L1TD1: variants seen among roughly 807,000 people sequenced by gnomAD.
L1TD1 encodes LINE1 type transposase domain containing 1.
Under a neutral mutation model 25.7 loss-of-function variants are expected in L1TD1, and 26 were observed. The ratio of observed to expected loss-of-function variants is 1.01; its 90% CI spans 0.74 to 1.40. The LOEUF (loss-of-function observed/expected upper bound fraction) is 1.40, where lower values mean the gene tolerates loss of function less well. Ranked by LOEUF, L1TD1 falls within the 40% of genes most tolerant of loss-of-function variation. L1TD1 has a pLI of 0.00. For synonymous variants in L1TD1, 421 were observed against 335.6 expected (o/e 1.25, Z -2.78); for missense variants, 1,130 against 975.0 (o/e 1.16, Z -2.12).
chr1:62,209,829 G>T lies in L1TD1; in HGVS notation c.1055G>T (p.Ser352Ile), dbSNP rs772599708. ...AAGCATAGAGCTGGAGAAATAACCA[G>T]TGATGGCTTGAGCTTCCTATTTCTT... ...DSKHRAGEIT[S>I]DGLSFLFLKE... Residue 352 changes from serine to isoleucine, a missense_variant, in exon 4 of 4, where the codon AGT becomes ATT. Transcript: ENST00000498273. The T allele has an allele frequency of 1.1e-5, 18 of 1,613,150 alleles. No homozygotes were observed. Among genetic ancestry groups the T allele is most frequent in the Non-Finnish European group, 1.4e-5 (17 of 1,179,718 alleles).
In L1TD1 at chr1:62,210,442, C is replaced by T. The variant is rs1444820896; in HGVS notation, c.1668C>T (p.Ala556=). ...CACCCTGTCTGACCTTATGTTTGGC[C>T]TCTCCCTCAAAGTCACTAGAGATGA... is the stretch of plus-strand genomic sequence containing the variant. ...TGTPCLTLCL[A]SPSKSLEMSH... Residue 556 remains alanine, a synonymous_variant, in exon 4 of 4, where the codon GCC becomes GCT. Coordinates refer to ENST00000498273, the MANE Select transcript of L1TD1 (RefSeq NM_019079.5). The T allele has an allele frequency of 6.2e-7, 1 of 1,613,998 alleles. No individual in the cohort carries two copies. The highest frequency in any genetic ancestry group is 1.1e-5 in the South Asian group (1 of 91,082).
rs1670886355 is a variant in L1TD1, at chr1:62,212,005, TC to T, written c.*634del. The T allele has an allele frequency of 6.6e-6, 1 of 152,128 alleles. No individual in the cohort carries two copies. Among genetic ancestry groups the T allele is most frequent in the African/African-American group, 2.4e-5 (1 of 41,380 alleles). The allele number at this position is 152,128 out of a possible 1,614,324, so 9.4% of individuals were successfully genotyped here. On this transcript the variant is annotated 3_prime_UTR_variant, in exon 4 of 4. Transcript: ENST00000498273. ...GTGCTAGCTTGTCTAAGAATAAACTTCTATACTGTTGGGGGAGGGCTGCACC... is the reference window on the plus strand; with the variant it reads ...GTGCTAGCTTGTCTAAGAATAAACTTTATACTGTTGGGGGAGGGCTGCACC...
At chr1:62,202,541 C>CTT (rs1670660110) in intron 2 of L1TD1, among the ~76,000 whole-genome samples, 3 of 89,222 alleles carry the variant, frequency 3.4e-5, no homozygotes, top group Admixed American at 1.1e-4. Flanking sequence ...TTTTCTTTTT[C>CTT]TTTTCTTTTT....
rs1490656614 is a variant in L1TD1 at position 62,211,163 on chromosome 1, T to C, written c.2389T>C (p.Ser797Pro). ...AAGAATCAGGTTGACAGCAGACTTATCACTGGACACACTGGATGCTAGAAG... is the reference window on the plus strand; with the variant it reads ...AAGAATCAGGTTGACAGCAGACTTACCACTGGACACACTGGATGCTAGAAG... The part of the protein sequence containing the change: ...GTRIRLTADL[S>P]LDTLDARSKW... Residue 797 changes from serine to proline, a missense_variant, in exon 4 of 4, where the codon TCA (serine) becomes CCA (proline). Ser to Pro is a moderately conservative substitution (Grantham distance 74). Coordinates refer to ENST00000498273, the MANE Select transcript of L1TD1 (RefSeq NM_019079.5). The C allele has an allele frequency of 5.8e-6, 9 of 1,551,198 alleles. No individual in the cohort carries two copies. In the Admixed American group the frequency reaches 5.9e-5, roughly 10 times the overall value.
chr1:62,209,770 G>A lies in L1TD1; in HGVS notation c.1009-13G>A, dbSNP rs1168611798. 3 of 1,447,928 alleles carry A rather than the reference G, an allele frequency of 2.1e-6. No individual in the cohort carries two copies. The Admixed American group carries it at 7.2e-5, about 35-fold the overall frequency. 89.7% of individuals were successfully genotyped at this position (1,447,928 alleles called of 1,614,324 possible). A position where few individuals can be genotyped will look rare whatever the true frequency, so the allele number is the denominator to read the frequency against. On this transcript the variant is annotated splice_polypyrimidine_tract_variant and intron_variant, in intron 3 of 3. Coordinates refer to ENST00000498273, the MANE Select transcript of L1TD1 (RefSeq NM_019079.5). ...CAAATAACTCTTTTTTTTCTTCTTT[G>A]TTTAACTTTCAGGATAAAACCCTAA...
In L1TD1 at chr1:62,211,859, G is replaced by A. The variant is rs928108931; in HGVS notation, c.*487G>A. On this transcript the variant is annotated 3_prime_UTR_variant, in exon 4 of 4. Transcript: ENST00000498273. ...GGGCGCCTGTAGTCCCAGCTACTTG[G>A]GAGGCTGAGGCAGGAGAATGGCGTG... The A allele has an allele frequency of 1.4e-4, 22 of 152,950 alleles. No individual in the cohort carries two copies. Among genetic ancestry groups the A allele is most frequent in the Admixed American group, 9.7e-4 (15 of 15,388 alleles). 9.5% of individuals were successfully genotyped at this position (152,950 alleles called of 1,614,324 possible). A position where few individuals can be genotyped will look rare whatever the true frequency, so the allele number is the denominator to read the frequency against.
rs754572019 is a variant in L1TD1, at chr1:62,211,266, T to A, written c.2492T>A (p.Phe831Tyr). 6.2e-7 allele frequency: 1 copy of A among 1,607,544 alleles called. No individual in the cohort carries two copies. The highest frequency in any genetic ancestry group is 1.1e-5 in the South Asian group (1 of 90,296). The change falls in exon 4 of 4, where the codon TTT becomes TAT. Residue 831 changes from phenylalanine (F) to tyrosine (Y), a missense_variant. By Grantham distance (22) the Phe-to-Tyr change is conservative (BLOSUM62 3). Coordinates refer to ENST00000498273, the MANE Select transcript of L1TD1 (RefSeq NM_019079.5). ...ATCCTATATCCAGCCAAAATGGCAT[T>A]TGATTTTAGGGGTAAAACAAAGGTA... ...PRILYPAKMA[F>Y]DFRGKTKVFL...
At chr1:62,204,626 A>G (rs1333214012) in intron 2 of L1TD1, among the ~76,000 whole-genome samples, 1 of 152,000 alleles carries the variant, frequency 6.6e-6, no homozygotes, top group Non-Finnish European at 1.5e-5. Context: ...CTGATGTTGA[A>G]CTTCTGGGCT....
Position 62,207,364 on chromosome 1 carries a change from G to A in L1TD1, c.736G>A (p.Val246Ile), listed in dbSNP as rs1330623793. 6.4e-7 allele frequency: 1 copy of A among 1,551,560 alleles called. No homozygotes were observed. The highest frequency in any genetic ancestry group is 8.7e-7 in the Non-Finnish European group (1 of 1,146,934). Reference sequence around the variant, plus strand: ...GGATGAAGGAGCAGTACTTACCCTGGTAGCCGACCTTTCATCAGCAACACT... The same window carrying A: ...GGATGAAGGAGCAGTACTTACCCTGATAGCCGACCTTTCATCAGCAACACT... The part of the protein sequence containing the change: ...LMDEGAVLTL[V>I]ADLSSATLDI... Residue 246 changes from valine to isoleucine, a missense_variant, in exon 3 of 4, where the codon GTA (valine) becomes ATA (isoleucine). Transcript: ENST00000498273.
At chr1:62,204,012 C>A (rs999843066) in intron 2 of L1TD1, among the ~76,000 whole-genome samples, 1 of 152,176 alleles carries the variant, frequency 6.6e-6, no homozygotes, top group Non-Finnish European at 1.5e-5. Context: ...AGATGTGAGT[C>A]GCCGTGCCTG....
At chr1:62,205,957 C>T (rs1670736885) in intron 2 of L1TD1, among the ~76,000 whole-genome samples, 2 of 152,048 alleles carry the variant, frequency 1.3e-5, no homozygotes, top group African/African-American at 4.8e-5. Context: ...TCTCGAACTC[C>T]TGGGGTCAAG....
At position 62,210,852 on chromosome 1, in the gene L1TD1, T is replaced by G. The variant is rs938039434; in HGVS notation, c.2078T>G (p.Ile693Arg). 1 of 1,550,482 alleles carries G rather than the reference T, an allele frequency of 6.4e-7. No homozygotes were observed. Among genetic ancestry groups the G allele is most frequent in the African/African-American group, 1.4e-5 (1 of 72,956 alleles). The change falls in exon 4 of 4, where the codon ATA (isoleucine) becomes AGA (arginine). Residue 693 changes from isoleucine (I) to arginine (R), a missense_variant. Transcript: ENST00000498273. ...QIISKERQRDIEERSRSCNIR... is the reference protein window; with the variant it reads ...QIISKERQRDREERSRSCNIR... Reference sequence around the variant, plus strand: ...ATTAGTAAAGAAAGGCAAAGAGATATAGAGGAGAGATCTAGAAGTTGCAAC... The same window carrying G: ...ATTAGTAAAGAAAGGCAAAGAGATAGAGAGGAGAGATCTAGAAGTTGCAAC...
In L1TD1 at chr1:62,210,207, CAG is replaced by C. The variant is rs530225074; in HGVS notation, c.1436_1437del (p.Glu479GlyfsTer9). The C allele has an allele frequency of 3.9e-5, 63 of 1,613,774 alleles. No homozygotes were observed. The highest frequency in any genetic ancestry group is 1.0e-4 in the Admixed American group (6 of 59,948). On this transcript the variant is annotated frameshift_variant, in exon 4 of 4. Transcript: ENST00000498273. LOFTEE classifies it low-confidence loss of function (END_TRUNC). ...ATTGACTCTGTAGAGGATTCTGAATCAGAGGAGGAAGAAGAAGGAAAGAGCTC... is the reference window on the plus strand; with the variant it reads ...ATTGACTCTGTAGAGGATTCTGAATCAGGAGGAAGAAGAAGGAAAGAGCTC...
In L1TD1 at chr1:62,211,554, A is replaced by G. The variant is rs1670872514; in HGVS notation, c.*182A>G. 9.8e-7 allele frequency: 1 copy of G among 1,019,688 alleles called. No homozygotes were observed. 63.2% of individuals were successfully genotyped at this position (1,019,688 alleles called of 1,614,324 possible). On this transcript the variant is annotated 3_prime_UTR_variant, in exon 4 of 4. Coordinates refer to ENST00000498273, the MANE Select transcript of L1TD1 (RefSeq NM_019079.5). ...TTAATAAAGGGTATGTTTAAAAAAA[A>G]TAGGCTGGTCTCAATGTAGTGAGTT... is the stretch of plus-strand genomic sequence containing the variant.
At chr1:62,204,886 C>T (rs940957370) in intron 2 of L1TD1, among the ~76,000 whole-genome samples, 2 of 152,112 alleles carry the variant, frequency 1.3e-5, no homozygotes, top group African/African-American at 4.8e-5. Context: ...AAGTGATCCT[C>T]TTACCTCAGC....
At chr1:62,197,496 T>C (rs904039386) in intron 2 of L1TD1, among the ~76,000 whole-genome samples, 12 of 150,902 alleles carry the variant, frequency 8.0e-5, no homozygotes, top group Middle Eastern at 3.2e-3. Flanking sequence ...TTCCAAATTT[T>C]TTATTATCTA....
chr1:62,200,413 C>T (rs1670619829), intron 2 of L1TD1, among the ~76,000 whole-genome samples: 1 of 152,136 alleles, frequency 6.6e-6, no homozygotes, highest in Non-Finnish European at 1.5e-5. Context: ...TCAGATGATC[C>T]GCCTGCCTTG....
At chr1:62,196,709 C>G (rs960826120) in intron 2 of L1TD1, among the ~76,000 whole-genome samples, 181 bp downstream of exon 2, 3 of 152,168 alleles carry the variant, frequency 2.0e-5, no homozygotes, top group African/African-American at 7.2e-5. Flanking sequence ...TCTACTCCCT[C>G]AGCCTCCCAA....
At chr1:62,198,323 CA>C (rs71301242) in intron 2 of L1TD1, among the ~76,000 whole-genome samples, 25 of 138,920 alleles carry the variant, frequency 1.8e-4, no homozygotes, top group African/African-American at 2.4e-4. Context: ...AGTGAGATCT[CA>C]AAAAAAAAAG....
Sources: allele counts gnomAD v4.1 joint callset (sites outside exome capture counted in the v4.1 genomes callset), GRCh38; gene constraint gnomAD v4.1.1; transcripts MANE v1.5; gene names NCBI Gene and HGNC (gene_info 2026-07-23, HGNC 2026-07-21).